Variants in SOX6 observed in about 807,000 individuals in gnomAD.
SOX6 encodes the protein transcription factor SOX-6.
SOX6 carries 11 observed loss-of-function variants against 97.8 expected under a neutral mutation model. That is an observed-to-expected ratio of 0.11 (90% confidence interval 0.07 to 0.19). SOX6 has a LOEUF of 0.19. Ranked by LOEUF, SOX6 falls within the 10% of genes least tolerant of loss-of-function variation. The pLI, the probability that SOX6 is intolerant of heterozygous loss-of-function variation, is 1.00. For synonymous variants in SOX6, 360 were observed against 371.4 expected (o/e 0.97, Z 0.35); for missense variants, 810 against 1,039.5 (o/e 0.78, Z 3.04).
Position 16,043,459 on chromosome 11 carries a change from A to T in SOX6, c.1623+3055T>A, listed in dbSNP as rs186846702. ...TGACACATCGACACAGTCGACAATG[A>T]CTCCACTGGTGCCGTGCTGGCCAAT... On this transcript the variant is annotated intron_variant, in intron 12 of 15. Coordinates refer to ENST00000683767, the MANE Select transcript of SOX6 (RefSeq NM_001367873.1). Among the ~76,000 whole-genome samples, 864 of 152,132 alleles carry T rather than the reference A, an allele frequency of 5.7e-3. 6 individuals are homozygous for T. The highest frequency in any genetic ancestry group is 9.2e-3 in the Non-Finnish European group (626 of 67,976).
At chr11:16,092,379 A>ATGTCTACCCAACATTAAGTCTTAAT (rs1848710478) in intron 9 of SOX6, among the ~76,000 whole-genome samples, 8 of 152,028 alleles carry the variant, frequency 5.3e-5, no homozygotes, top group Non-Finnish European at 1.2e-4. Flanking sequence ...GTGACTGGTA[A>ATGTCTACCCAACATTAAGTCTTAAT]GTCTTAATGT....
intron 12 of SOX6, among the ~76,000 whole-genome samples, chr11:16,026,272 A>G (rs1411028731): frequency 6.6e-6 from 1 of 152,202 alleles, no homozygotes; most frequent in Non-Finnish European, 1.5e-5. Context: ...GGAATTATTC[A>G]TCTCAAGAAA....
intron 9 of SOX6, among the ~76,000 whole-genome samples, chr11:16,088,339 C>T (rs1346105374): frequency 6.6e-6 from 1 of 152,044 alleles, no homozygotes; most frequent in Admixed American, 6.6e-5. Context: ...TCACTCTTGG[C>T]GTTGTACATT....
At chr11:16,177,621 A>ATCTCCCTC (rs1851231078) in intron 6 of SOX6, among the ~76,000 whole-genome samples, 1 of 145,656 alleles carries the variant, frequency 6.9e-6, no homozygotes, top group South Asian at 2.2e-4. Flanking sequence ...GAATAAGATG[A>ATCTCCCTC]TCTCTCTCTC....
At chr11:16,647,158 T>C (rs1221148706) in intron 3 of SOX6, among the ~76,000 whole-genome samples, 1 of 152,186 alleles carries the variant, frequency 6.6e-6, no homozygotes, top group Non-Finnish European at 1.5e-5. Context: ...GTATAGATTG[T>C]GAGGCTTTTC....
intron 9 of SOX6, among the ~76,000 whole-genome samples, chr11:16,057,348 A>G (rs77411580): frequency 0.024 from 3,655 of 152,052 alleles, 145 homozygotes; most frequent in African/African-American, 0.083. Flanking sequence ...TTATTTCTCA[A>G]CTTTTTATTT....
At chr11:16,410,759 C>CAAAAAA (rs71044100) in intron 1 of SOX6, among the ~76,000 whole-genome samples, 2 of 64,358 alleles carry the variant, frequency 3.1e-5, no homozygotes, top group African/African-American at 5.9e-5. Flanking sequence ...AACCGGTCTC[C>CAAAAAA]AAAAAAAAAA....
At chr11:16,400,444 T>C (rs1858523945) in intron 1 of SOX6, among the ~76,000 whole-genome samples, 2 of 151,448 alleles carry the variant, frequency 1.3e-5, no homozygotes, top group Admixed American at 6.6e-5. Context: ...TTTACCACTT[T>C]AATAATAAAC....
intron 3 of SOX6, among the ~76,000 whole-genome samples, chr11:16,266,717 G>A (rs950489368): frequency 1.3e-5 from 2 of 151,384 alleles, no homozygotes; most frequent in Non-Finnish European, 3.0e-5. Context: ...CTTGAAGGTG[G>A]ACTGTAAGTT....
chr11:16,041,140 A>G (rs1200588180), intron 12 of SOX6, among the ~76,000 whole-genome samples: 1 of 152,110 alleles, frequency 6.6e-6, no homozygotes, highest in African/African-American at 2.4e-5. Flanking sequence ...AATTAGGACT[A>G]TATATGCCTT....
intron 2 of SOX6, among the ~76,000 whole-genome samples, chr11:16,735,376 G>A (rs2134062454): frequency 6.6e-6 from 1 of 152,176 alleles, no homozygotes; most frequent in East Asian, 1.9e-4. Context: ...AAACTTTTGG[G>A]AAATAATTTT....
At chr11:16,002,572 T>C (rs1854435871) in intron 13 of SOX6, among the ~76,000 whole-genome samples, 2 of 152,052 alleles carry the variant, frequency 1.3e-5, no homozygotes, top group South Asian at 2.1e-4. Flanking sequence ...GCTGTATTTA[T>C]ACATAGAAGG....
rs202084502 is a variant in SOX6, at chr11:15,987,397, TTC to T, written c.1967-979_1967-978del. 1.8e-3 allele frequency among the ~76,000 whole-genome samples: 268 copies of T among 152,352 alleles called. 1 individual carries two copies. Among genetic ancestry groups the T allele is most frequent in the African/African-American group, 5.4e-3 (223 of 41,586 alleles). On this transcript the variant is annotated intron_variant, in intron 14 of 15. Transcript: ENST00000683767. ...GTGTAGAAGGCCTAAGCAGATAGGC[TTC>T]TCTGTGTTCTGCTGGTTTCCAGCAG...
chr11:16,061,012 A>G (rs1847936048), intron 9 of SOX6, among the ~76,000 whole-genome samples: 1 of 151,820 alleles, frequency 6.6e-6, no homozygotes, highest in African/African-American at 2.4e-5. Context: ...ATTAGGAAGG[A>G]AAGACAGCAT....
intron 4 of SOX6, among the ~76,000 whole-genome samples, chr11:16,537,844 G>A (rs906961092): frequency 5.3e-5 from 8 of 152,284 alleles, no homozygotes; most frequent in South Asian, 2.1e-4. Context: ...CCAAATCTAC[G>A]TTTGATTGGT....
intron 6 of SOX6, among the ~76,000 whole-genome samples, chr11:16,139,693 G>A (rs1396287731): frequency 3.3e-5 from 5 of 151,474 alleles, no homozygotes; most frequent in Admixed American, 6.6e-5. Context: ...CCAAGATCTC[G>A]GTGTGATGTG....
At chr11:16,227,571 G>A (rs1232186564) in intron 4 of SOX6, among the ~76,000 whole-genome samples, 2 of 151,772 alleles carry the variant, frequency 1.3e-5, no homozygotes, top group African/African-American at 2.4e-5. Context: ...CTAAAGGTGC[G>A]CCTCACCAGG....
At chr11:16,262,383 A>T (rs543443538) in intron 3 of SOX6, among the ~76,000 whole-genome samples, 1 of 152,192 alleles carries the variant, frequency 6.6e-6, no homozygotes, top group African/African-American at 2.4e-5. Context: ...TGAGGAGGAA[A>T]ATCACTGCCA....
chr11:16,659,021 C>A (rs1160128349), intron 3 of SOX6, among the ~76,000 whole-genome samples: 1 of 152,120 alleles, frequency 6.6e-6, no homozygotes, highest in Non-Finnish European at 1.5e-5. Flanking sequence ...ATGTCATCTG[C>A]AGAAAAGTTT....
Sources: gnomAD v4.1 joint callset for allele counts (sites outside exome capture counted in the v4.1 genomes callset) on GRCh38, gnomAD v4.1.1 for gene constraint, MANE v1.5 for transcripts, NCBI Gene and HGNC (gene_info 2026-07-23, HGNC 2026-07-21) for gene names.